The following GABRB1 variants were observed in gnomAD, a reference collection of about 807,000 sequenced individuals.
GABRB1 encodes gamma-aminobutyric acid type A receptor subunit beta1.
In GABRB1, 17 loss-of-function variants were observed where a neutral mutation model predicts 51.6. The observed-to-expected ratio is 0.33, with a 90% confidence interval of 0.23 to 0.49. GABRB1 has a LOEUF of 0.49. GABRB1 is among the 20% of genes least tolerant of loss of function. GABRB1 has a pLI of 0.99. For missense variants in GABRB1, 410 were observed against 600.6 expected, an observed-to-expected ratio of 0.68 and a Z score of 3.32; for synonymous variants, 247 against 218.9, an observed-to-expected ratio of 1.13 and a Z score of -1.14.
intron 3 of GABRB1, among the ~76,000 whole-genome samples, chr4:47,058,664 T>C (rs1310199794): frequency 6.6e-6 from 1 of 152,178 alleles, no homozygotes; most frequent in Non-Finnish European, 1.5e-5. Flanking sequence ...TTGGTGGACC[T>C]TGCTTCCATA....
At chr4:47,183,523 C>T (rs1410773788) in intron 4 of GABRB1, among the ~76,000 whole-genome samples, 3 of 151,634 alleles carry the variant, frequency 2.0e-5, no homozygotes, top group Admixed American at 6.6e-5. Flanking sequence ...CTGTGACCTG[C>T]TACTCCTTTA....
intron 4 of GABRB1, among the ~76,000 whole-genome samples, chr4:47,184,243 T>C (rs994060974): frequency 3.0e-4 from 45 of 151,962 alleles, no homozygotes; most frequent in Non-Finnish European, 3.8e-4. Context: ...TATTCATTAG[T>C]TATCTCATAA....
intron 8 of GABRB1, among the ~76,000 whole-genome samples, chr4:47,413,811 G>A (rs1405854208): frequency 1.3e-4 from 20 of 152,154 alleles, no homozygotes; most frequent in Admixed American, 1.3e-3. Context: ...CAGCTGCTCT[G>A]AAGCATCTTT....
chr4:47,323,095 C>T (rs971214995), intron 5 of GABRB1, among the ~76,000 whole-genome samples: 2 of 152,158 alleles, frequency 1.3e-5, no homozygotes, highest in Non-Finnish European at 2.9e-5. Flanking sequence ...ATTTCCTAAA[C>T]TATCCCTGAT....
At chr4:47,102,610 A>C (rs1486095416) in intron 3 of GABRB1, among the ~76,000 whole-genome samples, 1 of 151,948 alleles carries the variant, frequency 6.6e-6, no homozygotes, top group Admixed American at 6.6e-5. Context: ...AGTTGAAGGA[A>C]AAGAGCAACC....
intron 3 of GABRB1, among the ~76,000 whole-genome samples, chr4:47,054,475 T>G (rs759685334): frequency 6.6e-6 from 1 of 152,210 alleles, no homozygotes; most frequent in Non-Finnish European, 1.5e-5. Context: ...GGTGTTGGAC[T>G]GAAGGACTGC....
At chr4:47,318,764 A>G (rs1724970838) in intron 4 of GABRB1, among the ~76,000 whole-genome samples, 1 of 152,104 alleles carries the variant, frequency 6.6e-6, no homozygotes. Context: ...TCAGATGGTG[A>G]GTCCACATTT....
At chr4:47,370,265 G>A (rs968697942) in intron 5 of GABRB1, among the ~76,000 whole-genome samples, 1 of 152,260 alleles carries the variant, frequency 6.6e-6, no homozygotes, top group Non-Finnish European at 1.5e-5. Flanking sequence ...GAGGCGAGTG[G>A]ATCACAAAGT....
upstream of GABRB1, among the ~76,000 whole-genome samples, chr4:47,029,961 C>T (rs1344330891): frequency 1.3e-5 from 2 of 152,038 alleles, no homozygotes; most frequent in Admixed American, 6.5e-5. Flanking sequence ...CCCCCATATT[C>T]CTTCTCTTTT....
At chr4:47,380,704 A>G (rs1008031491) in intron 5 of GABRB1, among the ~76,000 whole-genome samples, 1 of 152,172 alleles carries the variant, frequency 6.6e-6, no homozygotes, top group African/African-American at 2.4e-5. Context: ...TTAACTGTAC[A>G]TCTCCTTGAT....
At chr4:47,216,757 G>T (rs1720570656) in intron 4 of GABRB1, among the ~76,000 whole-genome samples, 1 of 151,890 alleles carries the variant, frequency 6.6e-6, no homozygotes, top group Admixed American at 6.6e-5. Context: ...ATAAGATCTT[G>T]CATGCATAGC....
intron 3 of GABRB1, among the ~76,000 whole-genome samples, chr4:47,126,011 T>C (rs1002420780): frequency 2.6e-5 from 4 of 151,228 alleles, no homozygotes; most frequent in Non-Finnish European, 5.9e-5. Flanking sequence ...TGTCTATATA[T>C]GTATACATAC....
At chr4:47,003,924 A>G (rs1724302569) in intron 1 of GABRB1, among the ~76,000 whole-genome samples, 1 of 152,248 alleles carries the variant, frequency 6.6e-6, no homozygotes, top group Non-Finnish European at 1.5e-5. Context: ...CAGGCAAGTT[A>G]GGAAATCATT....
chr4:47,337,462 G>T lies in GABRB1; in HGVS notation c.544+17253G>T, dbSNP rs1196377774. 5.9e-5 allele frequency among the ~76,000 whole-genome samples: 9 copies of T among 152,028 alleles called. No individual in the cohort carries two copies. In the East Asian group the frequency reaches 1.5e-3, roughly 26 times the overall value. ...GACTGTGTGCCTCAGTGGGCATAAAGGAGGGTTTTGGAATCATGGAGGGCT... is the reference window on the plus strand; with the variant it reads ...GACTGTGTGCCTCAGTGGGCATAAATGAGGGTTTTGGAATCATGGAGGGCT... On this transcript the variant is annotated intron_variant, in intron 5 of 8. Coordinates refer to ENST00000295454, the MANE Select transcript of GABRB1 (RefSeq NM_000812.4).
intron 4 of GABRB1, among the ~76,000 whole-genome samples, chr4:47,285,993 A>G (rs1312806622): frequency 1.3e-5 from 2 of 152,226 alleles, no homozygotes. Flanking sequence ...GCCTGAGCTA[A>G]ATTGCAAATT....
intron 1 of GABRB1, among the ~76,000 whole-genome samples, chr4:47,001,146 TA>T (rs1429042882): frequency 6.6e-6 from 1 of 152,174 alleles, no homozygotes; most frequent in Non-Finnish European, 1.5e-5. Flanking sequence ...TTTTTATGTT[TA>T]TTTTTTATTT....
intron 3 of GABRB1, among the ~76,000 whole-genome samples, chr4:47,074,720 G>A (rs1235842464): frequency 6.6e-6 from 1 of 152,128 alleles, no homozygotes; most frequent in Non-Finnish European, 1.5e-5. Context: ...TGACTTTTGA[G>A]CCTTACCTAG....
chr4:47,031,742 G>A lies in GABRB1; in HGVS notation c.80+11G>A. 3.1e-6 allele frequency: 5 copies of A among 1,600,262 alleles called. No homozygotes were observed. The highest frequency in any genetic ancestry group is 3.4e-6 in the Non-Finnish European group (4 of 1,171,670). On this transcript the variant is annotated intron_variant, in intron 1 of 8. Coordinates refer to ENST00000295454, the MANE Select transcript of GABRB1 (RefSeq NM_000812.4). ...CTGTTGTGCACACAGGTGAGCTGCT[G>A]TTGTTGAATCTCGCTCTCTCTCTCT...
intron 5 of GABRB1, among the ~76,000 whole-genome samples, chr4:47,345,169 T>C (rs1034807475): frequency 1.3e-5 from 2 of 152,210 alleles, no homozygotes; most frequent in African/African-American, 2.4e-5. Flanking sequence ...GTTTTTAGAA[T>C]TGGCATCAAA....
Sources: allele counts gnomAD v4.1 joint callset (sites outside exome capture counted in the v4.1 genomes callset), GRCh38; gene constraint gnomAD v4.1.1; transcripts MANE v1.5; gene names NCBI Gene and HGNC (gene_info 2026-07-23, HGNC 2026-07-21).